The following ALPK2 variants were observed in gnomAD, a reference collection of about 807,000 sequenced individuals.
ALPK2 encodes alpha-protein kinase 2.
ALPK2 carries 127 observed loss-of-function variants against 163.1 expected under a neutral mutation model. The ratio of observed to expected loss-of-function variants is 0.78; its 90% confidence interval spans 0.67 to 0.90. The LOEUF is 0.90. Among genes scored for constraint, ALPK2 ranks in the 40% least tolerant of loss-of-function variants. ALPK2 has a pLI of 0.00. For missense variants in ALPK2, 2,360 were observed against 2,589.6 expected, an observed-to-expected ratio of 0.91 and a Z score of 1.92; for synonymous variants, 953 against 959.1, an observed-to-expected ratio of 0.99 and a Z score of 0.12.
Position 58,538,040 on chromosome 18 carries a change from C to T in ALPK2, c.2147G>A (p.Gly716Asp), listed in dbSNP as rs761401696. Residue 716 changes from glycine to aspartate, a missense_variant, in exon 5 of 13, where the codon GGT (glycine) becomes GAT (aspartate). Coordinates refer to ENST00000361673, the MANE Select transcript of ALPK2 (RefSeq NM_052947.4). ...GTCTTGTTTTTCTTCATGCTGTGGACCACAGGTACAGGGTTTGACCTCCGA... is the reference window on the plus strand; with the variant it reads ...GTCTTGTTTTTCTTCATGCTGTGGATCACAGGTACAGGGTTTGACCTCCGA... ...QHSEVKPCTC[G>D]PQHEEKQDRD... 4 of 1,614,014 alleles carry T rather than the reference C, an allele frequency of 2.5e-6. No individual in the cohort carries two copies. The highest frequency in any genetic ancestry group is 1.3e-5 in the African/African-American group (1 of 74,908).
chr18:58,499,203 C>G (rs936120024), intron 11 of ALPK2, among the ~76,000 whole-genome samples: 1 of 152,174 alleles, frequency 6.6e-6, no homozygotes, highest in Non-Finnish European at 1.5e-5. Context: ...GAACAGCTAC[C>G]TGAGCTTCCC....
At chr18:58,608,878 T>C (rs1044691500) in intron 2 of ALPK2, among the ~76,000 whole-genome samples, 9 of 151,334 alleles carry the variant, frequency 5.9e-5, no homozygotes, top group Admixed American at 2.0e-4. Flanking sequence ...TCTGAGCCTA[T>C]GTGGTCGAGG....
intron 8 of ALPK2, 86 bp downstream of exon 8, chr18:58,523,720 T>G (rs570771776): frequency 2.3e-4 from 354 of 1,533,602 alleles, no homozygotes; most frequent in Non-Finnish European, 3.1e-4. Flanking sequence ...TCCAGAGGAT[T>G]ACTGCTTCTA....
chr18:58,518,202 A>G (rs1403946850), intron 8 of ALPK2, among the ~76,000 whole-genome samples: 1 of 151,958 alleles, frequency 6.6e-6, no homozygotes, highest in East Asian at 1.9e-4. Flanking sequence ...ACATTTCTAT[A>G]TACATGCTTC....
At chr18:58,487,672 AATCT>A (rs1568063583) in intron 12 of ALPK2, among the ~76,000 whole-genome samples, 1 of 152,174 alleles carries the variant, frequency 6.6e-6, no homozygotes, top group Non-Finnish European at 1.5e-5. Flanking sequence ...TCTTTATGTG[AATCT>A]ATCCATCCTC....
chr18:58,530,219 C>T (rs2051605904), intron 5 of ALPK2, among the ~76,000 whole-genome samples: 1 of 152,350 alleles, frequency 6.6e-6, no homozygotes, highest in Middle Eastern at 3.4e-3. Flanking sequence ...TTGGCACCAG[C>T]AGATGCTAGG....
intron 10 of ALPK2, among the ~76,000 whole-genome samples, chr18:58,512,816 G>A (rs2051498437): frequency 7.2e-6 from 1 of 138,778 alleles, no homozygotes; most frequent in Non-Finnish European, 1.6e-5. Flanking sequence ...TGTGTGAGGT[G>A]CATGTATGAG....
At chr18:58,488,347 G>T (rs746462848) in intron 12 of ALPK2, among the ~76,000 whole-genome samples, 1 of 149,826 alleles carries the variant, frequency 6.7e-6, no homozygotes, top group African/African-American at 2.5e-5. Flanking sequence ...GCTTAAGAAC[G>T]ATTCCTCTCT....
chr18:58,537,939 T>G lies in ALPK2; in HGVS notation c.2248A>C (p.Thr750Pro). Reference sequence around the variant, plus strand: ...CTTGAGAACACACCTGGGGACATAGTCTCATCATTGGCTTCTGAGATGCTC... The same window carrying G: ...CTTGAGAACACACCTGGGGACATAGGCTCATCATTGGCTTCTGAGATGCTC... Reference protein sequence around the residue: ...EQSISEANDETMSPGVFSRHL... With the variant: ...EQSISEANDEPMSPGVFSRHL... Residue 750 changes from threonine (T) to proline (P), a missense_variant, in exon 5 of 13, where the codon ACT becomes CCT. By Grantham distance (38) the Thr-to-Pro change is conservative. Transcript: ENST00000361673. 6.2e-7 allele frequency: 1 copy of G among 1,614,218 alleles called. No homozygotes were observed. Among genetic ancestry groups the G allele is most frequent in the South Asian group, 1.1e-5 (1 of 91,082 alleles).
intron 1 of ALPK2, among the ~76,000 whole-genome samples, chr18:58,616,900 G>A (rs1359826943): frequency 2.6e-5 from 4 of 152,222 alleles, no homozygotes; most frequent in Admixed American, 6.5e-5. Context: ...CTGGTGTTCC[G>A]GGGGCTTGGG....
At chr18:58,594,340 AC>A (rs2052030923) in intron 3 of ALPK2, among the ~76,000 whole-genome samples, 1 of 152,188 alleles carries the variant, frequency 6.6e-6, no homozygotes, top group Non-Finnish European at 1.5e-5. Flanking sequence ...TAGATGACTG[AC>A]CCTTCTTATT....
chr18:58,569,256 T>TTGGAAGTA (rs2051872804), intron 4 of ALPK2, among the ~76,000 whole-genome samples: 1 of 152,102 alleles, frequency 6.6e-6, no homozygotes, highest in African/African-American at 2.4e-5. Context: ...GCTCTCAACC[T>TTGGAAGTA]TGGAAGTATA....
chr18:58,580,814 T>C, intron 3 of ALPK2: 1 of 458,134 alleles, frequency 2.2e-6, no homozygotes, highest in Non-Finnish European at 3.9e-6. Context: ...GATTGCACCA[T>C]GACAGTTTAC....
At chr18:58,596,124 G>T (rs1026543663) in intron 3 of ALPK2, among the ~76,000 whole-genome samples, 20 of 152,198 alleles carry the variant, frequency 1.3e-4, no homozygotes, top group African/African-American at 3.6e-4. Context: ...CTTAAAAAAT[G>T]AATTGCTGGA....
At chr18:58,624,697 A>G (rs2052220452) in intron 1 of ALPK2, among the ~76,000 whole-genome samples, 1 of 151,992 alleles carries the variant, frequency 6.6e-6, no homozygotes, top group Non-Finnish European at 1.5e-5. Flanking sequence ...CAAGTGATCC[A>G]CCCACCTTGG....
At chr18:58,625,297 C>A (rs1173535495) in intron 1 of ALPK2, among the ~76,000 whole-genome samples, 1 of 152,190 alleles carries the variant, frequency 6.6e-6, no homozygotes, top group Non-Finnish European at 1.5e-5. Context: ...CTGCAGGGCA[C>A]CTGATGGGTT....
At chr18:58,608,949 C>G (rs906227347) in intron 2 of ALPK2, among the ~76,000 whole-genome samples, 1 of 143,902 alleles carries the variant, frequency 6.9e-6, no homozygotes, top group African/African-American at 2.7e-5. Flanking sequence ...CAGAGTGGGA[C>G]CTTGTCTCAA....
chr18:58,618,938 C>G (rs1006350206), intron 1 of ALPK2, among the ~76,000 whole-genome samples: 19 of 152,182 alleles, frequency 1.2e-4, no homozygotes, highest in African/African-American at 4.1e-4. Context: ...GTGGAGCTGG[C>G]AGGAAAGCCA....
At chr18:58,568,874 G>T (rs1199870535) in intron 4 of ALPK2, among the ~76,000 whole-genome samples, 1 of 152,076 alleles carries the variant, frequency 6.6e-6, no homozygotes, top group African/African-American at 2.4e-5. Context: ...GTATCTGAGG[G>T]GGGTCCTGGA....
Sources: gnomAD v4.1 joint callset for allele counts (sites outside exome capture counted in the v4.1 genomes callset) on GRCh38, gnomAD v4.1.1 for gene constraint, MANE v1.5 for transcripts, NCBI Gene and HGNC (gene_info 2026-07-23, HGNC 2026-07-21) for gene names.